Variants in ANKRD60 observed in about 807,000 individuals in gnomAD.
The protein encoded by ANKRD60 is ankyrin repeat domain-containing protein 60.
In ANKRD60, 24 loss-of-function variants were observed where a neutral mutation model predicts 21.3. The ratio of observed to expected loss-of-function variants is 1.13; its 90% CI spans 0.82 to 1.59. ANKRD60 has a LOEUF of 1.59. Ranked by LOEUF, ANKRD60 falls within the 40% of genes most tolerant of loss-of-function variation. The pLI is 0.00. For synonymous variants in ANKRD60, 182 were observed against 199.4 expected (o/e 0.91, Z 0.74); for missense variants, 490 against 466.7 (o/e 1.05, Z -0.46).
At position 58,218,716 on chromosome 20, in the gene ANKRD60, G is replaced by T. The variant is rs370956677; in HGVS notation, c.817C>A (p.Leu273Ile). 3.3e-5 allele frequency: 51 copies of T among 1,551,714 alleles called. No homozygotes were observed. The Admixed American group carries it at 1.0e-3, about 30-fold the overall frequency. ...TCGTGGATGGAGGCCCCGTGCTGGA[G>T]CAGGAGGATTATACAGTCTGACCGG... Residue 273 changes from leucine to isoleucine, a missense_variant, in exon 4 of 4, where the codon CTC becomes ATC. Transcript: ENST00000457363.
chr20:58,222,929 A>G, intron 2 of ANKRD60, 123 bp downstream of exon 2: 2 of 1,224,662 alleles, frequency 1.6e-6, no homozygotes, highest in Non-Finnish European at 2.2e-6. Context: ...GACACGGCTC[A>G]TCGTTCTCTC....
At chr20:58,227,214 T>C (rs561817015) in intron 1 of ANKRD60, among the ~76,000 whole-genome samples, 1 of 152,320 alleles carries the variant, frequency 6.6e-6, no homozygotes, top group South Asian at 2.1e-4. Context: ...GGTCCTAAAC[T>C]GGACAGAGTT....
chr20:58,223,014 G>A (rs368868610), intron 2 of ANKRD60, 38 bp downstream of exon 2: 57 of 1,518,660 alleles, frequency 3.8e-5, no homozygotes, highest in Middle Eastern at 3.4e-4. Flanking sequence ...CGGTTGCTTC[G>A]TAACGTATAA....
intron 3 of ANKRD60, 118 bp downstream of exon 3, chr20:58,221,220 G>T: frequency 8.6e-7 from 1 of 1,156,290 alleles, no homozygotes. Context: ...ACTGGTGGCT[G>T]ACAAGACACA....
intron 2 of ANKRD60, among the ~76,000 whole-genome samples, chr20:58,222,526 G>A (rs904102000): frequency 2.6e-5 from 4 of 152,122 alleles, no homozygotes; most frequent in African/African-American, 4.8e-5. Context: ...TCCCTGTTGG[G>A]TACACATCTG....
chr20:58,226,665 T>G (rs1984370011), intron 1 of ANKRD60, among the ~76,000 whole-genome samples: 1 of 152,142 alleles, frequency 6.6e-6, no homozygotes, highest in African/African-American at 2.4e-5. Context: ...CAGATATGTG[T>G]GGGTTTGACT....
Position 58,223,134 on chromosome 20 carries a change from C to T in ANKRD60, c.479G>A (p.Gly160Glu), listed in dbSNP as rs61732357. 3,809 of 1,551,614 alleles carry T rather than the reference C, an allele frequency of 2.5e-3. 76 individuals are homozygous for T. The African/African-American group carries it at 0.045, about 18-fold the overall frequency. Residue 160 changes from glycine to glutamate, a missense_variant, in exon 2 of 4, where the codon GGA (glycine) becomes GAA (glutamate). By Grantham distance (98) the Gly-to-Glu change is moderately conservative. Coordinates refer to ENST00000457363, the Ensembl canonical transcript of ANKRD60. ...CCAGATACATAATGAAATAATCCCT[C>T]CAGGAACAACATCATGGAACTTCAG...
At chr20:58,216,279 G>A, downstream of ANKRD60, among the ~76,000 whole-genome samples, 1 of 152,328 alleles carries the variant, frequency 6.6e-6, no homozygotes, top group African/African-American at 2.4e-5. Flanking sequence ...TCACCATGAA[G>A]AGTTTGGGAC....
chr20:58,218,601 A>G, exon 4 of ANKRD60: 1 of 1,551,748 alleles, frequency 6.4e-7, no homozygotes, highest in Non-Finnish European at 8.7e-7. Flanking sequence ...CGACTTTGCT[A>G]TCCGGTGGAG....
downstream of ANKRD60, among the ~76,000 whole-genome samples, chr20:58,216,804 T>C (rs1048690312): frequency 2.0e-5 from 3 of 152,310 alleles, no homozygotes; most frequent in African/African-American, 7.2e-5. Context: ...CCATTTCCCA[T>C]TCCCAGGAAA....
chr20:58,218,702 G>A, exon 4 of ANKRD60: 1 of 1,551,730 alleles, frequency 6.4e-7, no homozygotes. Flanking sequence ...CGTGGATGGA[G>A]GCCCCGTGCT....
chr20:58,227,369 G>A (rs1227165763), intron 1 of ANKRD60, among the ~76,000 whole-genome samples: 1 of 151,972 alleles, frequency 6.6e-6, no homozygotes, highest in Admixed American at 6.6e-5. Flanking sequence ...GGTTTGTTTT[G>A]ATTTGGCATC....
At chr20:58,227,633 A>T (rs980167540) in intron 1 of ANKRD60, among the ~76,000 whole-genome samples, 2 of 152,054 alleles carry the variant, frequency 1.3e-5, no homozygotes, top group Non-Finnish European at 2.9e-5. Flanking sequence ...TCCTGAGGTC[A>T]GCAGGGTTTG....
At chr20:58,217,927 A>T (rs1984167392), downstream of ANKRD60, among the ~76,000 whole-genome samples, 1 of 152,174 alleles carries the variant, frequency 6.6e-6, no homozygotes, top group Non-Finnish European at 1.5e-5. Context: ...TCCCTTCTGG[A>T]GAGTGTGTGT....
exon 3 of ANKRD60, chr20:58,221,449 G>A (rs1984250870): frequency 2.6e-6 from 4 of 1,552,114 alleles, no homozygotes; most frequent in Non-Finnish European, 3.5e-6. Flanking sequence ...CCCTCAAAAT[G>A]TTCTGAATTT....
At chr20:58,223,021 A>G in intron 2 of ANKRD60, 31 bp downstream of exon 2, 6 of 1,539,444 alleles carry the variant, frequency 3.9e-6, no homozygotes, top group Non-Finnish European at 5.3e-6. Flanking sequence ...TTCGTAACGT[A>G]TAATATCCAT....
chr20:58,216,369 AG>A (rs1984136431), downstream of ANKRD60, among the ~76,000 whole-genome samples: 1 of 152,200 alleles, frequency 6.6e-6, no homozygotes, highest in South Asian at 2.1e-4. Flanking sequence ...TTTTACATAT[AG>A]GAGTCAAGCA....
At chr20:58,220,252 T>C (rs1436980357) in intron 3 of ANKRD60, among the ~76,000 whole-genome samples, 2 of 152,122 alleles carry the variant, frequency 1.3e-5, no homozygotes, top group African/African-American at 4.8e-5. Flanking sequence ...AGGAAGCTGG[T>C]GGTCTGGGCT....
downstream of ANKRD60, among the ~76,000 whole-genome samples, chr20:58,216,434 A>G (rs551662682): frequency 2.0e-5 from 3 of 152,348 alleles, no homozygotes; most frequent in East Asian, 3.9e-4. Flanking sequence ...CAAATGCACA[A>G]CTTTGAGTAA....
Sources: gnomAD v4.1 joint callset for allele counts (sites outside exome capture counted in the v4.1 genomes callset) on GRCh38, gnomAD v4.1.1 for gene constraint, MANE v1.5 for transcripts, NCBI Gene and HGNC (gene_info 2026-07-23, HGNC 2026-07-21) for gene names.